Variants in ERBIN observed in about 807,000 individuals in gnomAD.
The protein encoded by ERBIN is densin-180-like protein.
Under a neutral mutation model 158.4 loss-of-function variants are expected in ERBIN, and 60 were observed. The observed-to-expected ratio is 0.38, with a 90% CI of 0.31 to 0.47. ERBIN has a LOEUF of 0.47. Among genes scored for constraint, ERBIN ranks in the 20% least tolerant of loss-of-function variants. The pLI, the probability that ERBIN is intolerant of heterozygous loss-of-function variation, is 0.99. For synonymous variants in ERBIN, 594 were observed against 557.2 expected, an observed-to-expected ratio of 1.07 and a Z score of -0.93; for missense variants, 1,610 against 1,648.0, an observed-to-expected ratio of 0.98 and a Z score of 0.40.
At chr5:65,961,050 A>G (rs1747850322) in intron 1 of ERBIN, 1 of 152,250 alleles carries the variant, frequency 6.6e-6, no homozygotes, top group African/African-American at 2.4e-5. Flanking sequence ...AATTTCCATT[A>G]AAAGGGAAAA....
At position 66,046,336 on chromosome 5, in the gene ERBIN, T is replaced by C; in HGVS notation, c.1603-17T>C. On this transcript the variant is annotated splice_polypyrimidine_tract_variant and intron_variant, in intron 17 of 25. Transcript: ENST00000284037. ...AAACTTAAAGAATATGAGCTCTTTA[T>C]CTTTTCTTTTACTTAGACCTCAGAA... The C allele has an allele frequency of 1.4e-6, 2 of 1,408,110 alleles. No homozygotes were observed. Among genetic ancestry groups the C allele is most frequent in the Non-Finnish European group, 1.9e-6 (2 of 1,042,542 alleles). The allele number at this position is 1,408,110 out of a possible 1,614,324, so 87.2% of individuals were successfully genotyped here.
chr5:66,034,115 C>CAA (rs34390168), intron 14 of ERBIN, among the ~76,000 whole-genome samples: 2,344 of 132,874 alleles, frequency 0.018, 54 homozygotes, highest in African/African-American at 0.053. Flanking sequence ...GACTTTGTCT[C>CAA]AAAAAAAAAA....
intron 7 of ERBIN, 118 bp downstream of exon 7, chr5:66,014,843 G>A (rs962115102): frequency 3.9e-6 from 2 of 519,008 alleles, no homozygotes. Flanking sequence ...AATCCTGACT[G>A]TGTGGTCATC....
chr5:66,021,457 A>G lies in ERBIN; in HGVS notation c.597+72A>G, dbSNP rs761384006. On this transcript the variant is annotated intron_variant, in intron 8 of 25. Transcript: ENST00000284037. Reference sequence around the variant, plus strand: ...AAGAACAAAATATGAAAATTAATGTATTTCTCTTACAAATTGGATAAAGGT... The same window carrying G: ...AAGAACAAAATATGAAAATTAATGTGTTTCTCTTACAAATTGGATAAAGGT... 4.2e-4 allele frequency: 468 copies of G among 1,126,602 alleles called. 3 individuals are homozygous for G. The highest frequency in any genetic ancestry group is 8.7e-5 in the Non-Finnish European group (68 of 784,934). The allele number at this position is 1,126,602 out of a possible 1,614,324, so 69.8% of individuals were successfully genotyped here.
chr5:65,941,022 A>G (rs572651864), intron 1 of ERBIN, among the ~76,000 whole-genome samples: 80 of 152,142 alleles, frequency 5.3e-4, no homozygotes, highest in African/African-American at 1.8e-3. Context: ...CCTACCCCCA[A>G]CCCTGTGCTC....
chr5:65,952,922 A>T (rs1746685033), intron 1 of ERBIN, among the ~76,000 whole-genome samples: 1 of 152,220 alleles, frequency 6.6e-6, no homozygotes, highest in South Asian at 2.1e-4. Context: ...CGTCTAATTT[A>T]AAAGTTATAA....
intron 1 of ERBIN, among the ~76,000 whole-genome samples, chr5:65,985,013 G>A (rs1190797422): frequency 6.6e-6 from 1 of 152,128 alleles, no homozygotes; most frequent in Non-Finnish European, 1.5e-5. Context: ...CTAAATAATA[G>A]TGGCTATGGT....
chr5:66,072,628 T>C (rs1039610098), intron 22 of ERBIN, among the ~76,000 whole-genome samples: 2 of 152,244 alleles, frequency 1.3e-5, no homozygotes, highest in African/African-American at 4.8e-5. Flanking sequence ...AATGAACTTG[T>C]GTTAAACTCT....
At chr5:65,992,112 A>C (rs1751929530) in intron 2 of ERBIN, among the ~76,000 whole-genome samples, 1 of 152,108 alleles carries the variant, frequency 6.6e-6, no homozygotes, top group Non-Finnish European at 1.5e-5. Flanking sequence ...GTCTTATTAG[A>C]GTTTTTCTTG....
At chr5:65,928,995 A>AT (rs1743025324) in intron 1 of ERBIN, among the ~76,000 whole-genome samples, 1 of 152,206 alleles carries the variant, frequency 6.6e-6, no homozygotes, top group African/African-American at 2.4e-5. Context: ...TACACACTTA[A>AT]AGGCTCTGTT....
intron 17 of ERBIN, 112 bp downstream of exon 17, chr5:66,044,422 G>A: frequency 1.0e-6 from 1 of 995,644 alleles, no homozygotes; most frequent in Non-Finnish European, 1.5e-6. Context: ...ATGCACCACA[G>A]AATGATATTT....
At chr5:66,046,269 A>T (rs1386137810) in intron 17 of ERBIN, 84 bp from the exon 18 acceptor site, 6 of 813,884 alleles carry the variant, frequency 7.4e-6, no homozygotes, top group Non-Finnish European at 1.1e-5. Context: ...GAAGTTGGCA[A>T]ATTGCTTACA....
chr5:65,941,631 T>C (rs1051199966), intron 1 of ERBIN, among the ~76,000 whole-genome samples: 1 of 152,222 alleles, frequency 6.6e-6, no homozygotes, highest in Non-Finnish European at 1.5e-5. Context: ...GTAATTTACA[T>C]GTATGATAAA....
intron 11 of ERBIN, 148 bp downstream of exon 11, chr5:66,025,700 C>A: frequency 1.2e-6 from 1 of 854,450 alleles, no homozygotes; most frequent in Non-Finnish European, 1.8e-6. Flanking sequence ...TTATGATAGA[C>A]AAACCTACTT....
At chr5:65,950,943 C>T (rs1406655600) in intron 1 of ERBIN, among the ~76,000 whole-genome samples, 1 of 152,120 alleles carries the variant, frequency 6.6e-6, no homozygotes, top group African/African-American at 2.4e-5. Context: ...AATACAGTCA[C>T]TTTACACTTT....
intron 21 of ERBIN, chr5:66,068,778 G>T: frequency 9.3e-7 from 1 of 1,070,786 alleles, no homozygotes; most frequent in Non-Finnish European, 1.3e-6. Context: ...TACTTCTCTG[G>T]TTTTGGGGTT....
At chr5:65,961,888 C>G (rs1747966892) in intron 1 of ERBIN, among the ~76,000 whole-genome samples, 1 of 152,102 alleles carries the variant, frequency 6.6e-6, no homozygotes, top group Admixed American at 6.5e-5. Context: ...ACAGATGAGT[C>G]ACTAATGAGG....
At chr5:65,966,999 G>A (rs553977909) in intron 1 of ERBIN, among the ~76,000 whole-genome samples, 4 of 152,212 alleles carry the variant, frequency 2.6e-5, no homozygotes, top group African/African-American at 9.6e-5. Flanking sequence ...AGCTGGGCCT[G>A]GTAGTGTATG....
chr5:65,966,915 C>T (rs147433702), intron 1 of ERBIN, among the ~76,000 whole-genome samples: 22 of 151,496 alleles, frequency 1.5e-4, no homozygotes, highest in African/African-American at 5.1e-4. Flanking sequence ...TCATTTTTAA[C>T]CAAAAAGTTT....
Sources: gnomAD v4.1 joint callset for allele counts (sites outside exome capture counted in the v4.1 genomes callset) on GRCh38, gnomAD v4.1.1 for gene constraint, MANE v1.5 for transcripts, NCBI Gene and HGNC (gene_info 2026-07-23, HGNC 2026-07-21) for gene names.